The following FSIP1 variants were observed in gnomAD, a reference collection of about 807,000 sequenced individuals.
FSIP1 encodes fibrous sheath-interacting protein 1.
In FSIP1, 65 loss-of-function variants were observed where a neutral mutation model predicts 60.9. That is an observed-to-expected ratio of 1.07 (90% CI 0.87 to 1.31). The LOEUF (loss-of-function observed/expected upper bound fraction) is 1.31. Ranked by LOEUF, FSIP1 falls within the 40% of genes most tolerant of loss-of-function variation. The pLI is 0.00. For synonymous variants in FSIP1, 209 were observed against 221.2 expected, an observed-to-expected ratio of 0.94 and a Z score of 0.49; for missense variants, 675 against 665.5, an observed-to-expected ratio of 1.01 and a Z score of -0.16.
intron 10 of FSIP1, among the ~76,000 whole-genome samples, chr15:39,666,400 A>G (rs1893495916): frequency 6.6e-6 from 1 of 152,244 alleles, no homozygotes; most frequent in Non-Finnish European, 1.5e-5. Flanking sequence ...ATTTGCATGA[A>G]TGATTATGAA....
At chr15:39,698,283 C>T (rs1016591767) in intron 10 of FSIP1, among the ~76,000 whole-genome samples, 2 of 151,588 alleles carry the variant, frequency 1.3e-5, no homozygotes, top group Admixed American at 1.3e-4. Flanking sequence ...ATTTCATCTG[C>T]TTCTTTTTGC....
intron 2 of FSIP1, among the ~76,000 whole-genome samples, chr15:39,774,339 T>C (rs1198298875): frequency 6.6e-6 from 1 of 151,988 alleles, no homozygotes; most frequent in East Asian, 1.9e-4. Context: ...AAAAATTAGG[T>C]GTGCCTATTG....
intron 9 of FSIP1, among the ~76,000 whole-genome samples, chr15:39,719,708 T>G (rs543172808): frequency 8.5e-5 from 13 of 152,364 alleles, no homozygotes; most frequent in Non-Finnish European, 1.6e-4. Flanking sequence ...ATGGATCGTG[T>G]GTCTGGCAGT....
intron 10 of FSIP1, among the ~76,000 whole-genome samples, chr15:39,692,583 T>G (rs1894646333): frequency 1.3e-5 from 2 of 151,890 alleles, no homozygotes; most frequent in South Asian, 4.2e-4. Context: ...AAAAGGAGAG[T>G]ACTAAACCCT....
intron 5 of FSIP1, among the ~76,000 whole-genome samples, chr15:39,758,902 G>A (rs1243092958): frequency 6.6e-6 from 1 of 151,956 alleles, no homozygotes; most frequent in Non-Finnish European, 1.5e-5. Context: ...ACACGATAAA[G>A]CTAGCATTTC....
chr15:39,634,736 A>C (rs1384806934), intron 10 of FSIP1, among the ~76,000 whole-genome samples: 1 of 152,242 alleles, frequency 6.6e-6, no homozygotes, highest in South Asian at 2.1e-4. Context: ...CATTACTGTG[A>C]AAATGGTGAG....
chr15:39,648,580 A>T (rs1314484842), intron 10 of FSIP1, among the ~76,000 whole-genome samples: 1 of 152,244 alleles, frequency 6.6e-6, no homozygotes, highest in East Asian at 1.9e-4. Flanking sequence ...TTAAGAACCC[A>T]GGAGTAACTC....
intron 8 of FSIP1, among the ~76,000 whole-genome samples, chr15:39,730,654 G>A (rs886558160): frequency 6.6e-6 from 1 of 152,134 alleles, no homozygotes; most frequent in Non-Finnish European, 1.5e-5. Context: ...CTTGGCAGGG[G>A]AGGATCACGA....
At chr15:39,615,155 C>T (rs1339494918) in intron 11 of FSIP1, among the ~76,000 whole-genome samples, 1 of 152,144 alleles carries the variant, frequency 6.6e-6, no homozygotes, top group African/African-American at 2.4e-5. Flanking sequence ...AGACCCAAAA[C>T]TGTAAAACTA....
At chr15:39,674,493 T>C (rs1893857918) in intron 10 of FSIP1, among the ~76,000 whole-genome samples, 1 of 152,010 alleles carries the variant, frequency 6.6e-6, no homozygotes, top group Admixed American at 6.6e-5. Context: ...CCCTATCAGA[T>C]ATCAGCATTT....
intron 10 of FSIP1, among the ~76,000 whole-genome samples, chr15:39,643,786 T>C (rs1293868998): frequency 1.3e-5 from 2 of 152,220 alleles, no homozygotes; most frequent in Non-Finnish European, 2.9e-5. Context: ...ATAACAAAAG[T>C]GCCTTTGCAG....
At chr15:39,697,195 T>C (rs1008080629) in intron 10 of FSIP1, among the ~76,000 whole-genome samples, 9 of 152,208 alleles carry the variant, frequency 5.9e-5, no homozygotes, top group Non-Finnish European at 1.2e-4. Flanking sequence ...TGATTATTTC[T>C]AGTTGGGTAC....
At chr15:39,615,454 G>A (rs2140376663) in intron 11 of FSIP1, among the ~76,000 whole-genome samples, 1 of 149,962 alleles carries the variant, frequency 6.7e-6, no homozygotes, top group Non-Finnish European at 1.5e-5. Context: ...CAAAAGACCT[G>A]AACAGACATT....
At chr15:39,608,144 C>T (rs1890894462) in intron 11 of FSIP1, among the ~76,000 whole-genome samples, 1 of 152,158 alleles carries the variant, frequency 6.6e-6, no homozygotes, top group Non-Finnish European at 1.5e-5. Context: ...AAGACCTATT[C>T]CTTAGAGCTT....
intron 10 of FSIP1, among the ~76,000 whole-genome samples, chr15:39,619,180 T>C (rs545998175): frequency 1.3e-5 from 2 of 152,332 alleles, no homozygotes; most frequent in African/African-American, 4.8e-5. Flanking sequence ...ATTCTGCATA[T>C]GTAAAGTACT....
At chr15:39,605,782 G>A (rs1482216915) in intron 11 of FSIP1, among the ~76,000 whole-genome samples, 1 of 152,166 alleles carries the variant, frequency 6.6e-6, no homozygotes, top group Non-Finnish European at 1.5e-5. Context: ...CGCCATGTAA[G>A]CCAACCAAGT....
At chr15:39,713,151 C>T (rs1342887398) in intron 10 of FSIP1, among the ~76,000 whole-genome samples, 3 of 152,094 alleles carry the variant, frequency 2.0e-5, no homozygotes, top group Non-Finnish European at 4.4e-5. Context: ...ATATTTTTAG[C>T]TTTTATTCAC....
chr15:39,642,235 C>T (rs894755555), intron 10 of FSIP1, among the ~76,000 whole-genome samples: 2 of 152,110 alleles, frequency 1.3e-5, no homozygotes, highest in Non-Finnish European at 2.9e-5. Flanking sequence ...ATGAATAAAG[C>T]CCTAAGCATG....
intron 6 of FSIP1, among the ~76,000 whole-genome samples, chr15:39,741,019 C>T (rs1384443458): frequency 6.6e-6 from 1 of 152,002 alleles, no homozygotes; most frequent in African/African-American, 2.4e-5. Context: ...CCATAGTTAA[C>T]GTATGAGTTA....
Sources: allele counts gnomAD v4.1 joint callset (sites outside exome capture counted in the v4.1 genomes callset), GRCh38; gene constraint gnomAD v4.1.1; transcripts MANE v1.5; gene names NCBI Gene and HGNC (gene_info 2026-07-23, HGNC 2026-07-21).